Variants in THEMIS observed in about 807,000 individuals in gnomAD.
The protein encoded by THEMIS is thymocyte selection associated, also known as protein THEMIS.
Under a neutral mutation model 52.6 loss-of-function variants are expected in THEMIS, and 37 were observed. The observed-to-expected ratio is 0.70, with a 90% CI of 0.54 to 0.93. THEMIS has a LOEUF of 0.93. THEMIS is among the 40% of genes least tolerant of loss of function. THEMIS has a pLI of 0.00. For missense variants in THEMIS, 808 were observed against 763.1 expected (o/e 1.06, Z -0.69); for synonymous variants, 292 against 272.7 (o/e 1.07, Z -0.70).
intron 2 of THEMIS, among the ~76,000 whole-genome samples, chr6:127,849,661 T>C (rs1488559136): frequency 6.6e-6 from 1 of 151,902 alleles, no homozygotes; most frequent in Non-Finnish European, 1.5e-5. Context: ...TAATATTCAA[T>C]AAATGGTGCT....
At chr6:127,814,954 C>T (rs899264354) in intron 3 of THEMIS, among the ~76,000 whole-genome samples, 11 of 152,012 alleles carry the variant, frequency 7.2e-5, no homozygotes, top group East Asian at 1.9e-4. Flanking sequence ...CCCAGGAGTT[C>T]GAGACTAGCC....
intron 2 of THEMIS, among the ~76,000 whole-genome samples, chr6:127,850,592 G>A (rs115032017): frequency 0.018 from 2,779 of 151,914 alleles, 104 homozygotes; most frequent in African/African-American, 0.064. Context: ...GCAGCAACTT[G>A]GATGGAGTTG....
intron 1 of THEMIS, among the ~76,000 whole-genome samples, chr6:127,914,668 G>C (rs1330191810): frequency 6.6e-6 from 1 of 152,058 alleles, no homozygotes; most frequent in East Asian, 1.9e-4. Context: ...ATAATCTTAA[G>C]GGACTACCAT....
chr6:127,760,045 T>A (rs1459562519), intron 4 of THEMIS, among the ~76,000 whole-genome samples: 13 of 151,872 alleles, frequency 8.6e-5, no homozygotes, highest in Non-Finnish European at 1.5e-4. Context: ...TCATTTTGAG[T>A]CAATATTGAT....
At chr6:127,862,595 T>C (rs544940254) in intron 1 of THEMIS, among the ~76,000 whole-genome samples, 13 of 151,872 alleles carry the variant, frequency 8.6e-5, no homozygotes, top group Admixed American at 8.5e-4. Context: ...AATTTTTGTA[T>C]TTTTAGTAGA....
intron 1 of THEMIS, among the ~76,000 whole-genome samples, chr6:127,858,107 G>GT (rs1282463365): frequency 6.6e-6 from 1 of 151,924 alleles, no homozygotes; most frequent in Non-Finnish European, 1.5e-5. Context: ...TCTTTTAAAG[G>GT]TTCAATTGGA....
rs140593765 is a variant in THEMIS, at chr6:127,908,720, T to G, written c.-149-7639A>C. ...GTGATGTAACTCTAACATTTTCCTC[T>G]GACTTTTATATAGCATTTGTGAAAA... On this transcript the variant is annotated intron_variant, in intron 1 of 6. Transcript: ENST00000368250. Among the ~76,000 whole-genome samples the G allele has an allele frequency of 7.2e-4, 110 of 152,278 alleles. 1 individual carries two copies. The highest frequency in any genetic ancestry group is 2.5e-3 in the African/African-American group (106 of 41,580).
At chr6:127,804,827 CT>C (rs1187681600) in intron 4 of THEMIS, among the ~76,000 whole-genome samples, 1 of 152,020 alleles carries the variant, frequency 6.6e-6, no homozygotes, top group Non-Finnish European at 1.5e-5. Context: ...TTAATTACAA[CT>C]TTTAAAAGCA....
intron 1 of THEMIS, among the ~76,000 whole-genome samples, chr6:127,908,326 A>G (rs1781328004): frequency 6.6e-6 from 1 of 152,150 alleles, no homozygotes; most frequent in Non-Finnish European, 1.5e-5. Flanking sequence ...AATCCAATGT[A>G]TACAGTTCAG....
At chr6:127,814,528 A>C (rs2114611710) in intron 3 of THEMIS, among the ~76,000 whole-genome samples, 1 of 152,320 alleles carries the variant, frequency 6.6e-6, no homozygotes, top group South Asian at 2.1e-4. Context: ...ATATGCGAAA[A>C]TAAATACCAA....
At position 127,800,028 on chromosome 6, in the gene THEMIS, ATGT is replaced by A. The variant is rs1355978282; in HGVS notation, c.1758+12852_1758+12854del. Among the ~76,000 whole-genome samples the A allele has an allele frequency of 2.0e-5, 3 of 152,176 alleles. No individual in the cohort carries two copies. In the East Asian group the frequency reaches 5.8e-4, roughly 29 times the overall value. ...TCTTCATAGTACTGAGTCCCTTAAAATGTTGTTCATTATTTATACCTGAAAAGC... is the reference window on the plus strand; with the variant it reads ...TCTTCATAGTACTGAGTCCCTTAAAATGTTCATTATTTATACCTGAAAAGC... On this transcript the variant is annotated intron_variant, in intron 4 of 5. Coordinates refer to ENST00000368248, the MANE Select transcript of THEMIS (RefSeq NM_001010923.3).
intron 1 of THEMIS, among the ~76,000 whole-genome samples, chr6:127,911,446 C>A (rs1398706867): frequency 6.7e-6 from 1 of 150,344 alleles, no homozygotes; most frequent in East Asian, 1.9e-4. Context: ...TATTTTATAC[C>A]TATCCATGGA....
intron 4 of THEMIS, among the ~76,000 whole-genome samples, chr6:127,755,230 C>T (rs186172739): frequency 9.2e-5 from 14 of 152,254 alleles, no homozygotes; most frequent in African/African-American, 2.9e-4. Context: ...TTGGTGGCTA[C>T]AGCCCATGCT....
upstream of THEMIS, among the ~76,000 whole-genome samples, chr6:127,902,242 T>C: frequency 6.6e-6 from 1 of 150,858 alleles, no homozygotes; most frequent in East Asian, 1.9e-4. Flanking sequence ...GGAGGATCAC[T>C]TGAGCCCTGG....
chr6:127,846,787 A>G (rs270006), intron 2 of THEMIS, among the ~76,000 whole-genome samples: 86,604 of 151,526 alleles, frequency 0.57, 25,880 homozygotes, highest in East Asian at 0.83. Flanking sequence ...TAAACATTCT[A>G]TGTAGCCAGT....
At chr6:127,729,142 C>A (rs930122130) in intron 4 of THEMIS, among the ~76,000 whole-genome samples, 1 of 1,278 alleles carries the variant, frequency 7.8e-4, no homozygotes, top group African/African-American at 3.2e-3. Context: ...CCAATTTATT[C>A]TCTCTCTCTC....
intron 2 of THEMIS, among the ~76,000 whole-genome samples, chr6:127,845,401 A>T (rs1018876241): frequency 1.3e-5 from 2 of 151,984 alleles, no homozygotes; most frequent in African/African-American, 2.4e-5. Context: ...CATTTATTGA[A>T]GAAAAATGGC....
chr6:127,889,722 T>C (rs1213812217), intron 1 of THEMIS, among the ~76,000 whole-genome samples: 1 of 151,590 alleles, frequency 6.6e-6, no homozygotes, highest in Non-Finnish European at 1.5e-5. Context: ...ATGACATGTA[T>C]GGTAAGTCAC....
intron 2 of THEMIS, among the ~76,000 whole-genome samples, chr6:127,853,890 A>G (rs1039454601): frequency 7.3e-5 from 11 of 151,722 alleles, no homozygotes; most frequent in Non-Finnish European, 1.3e-4. Context: ...CTGGGATTCA[A>G]GTACAATGGC....
Sources: allele counts gnomAD v4.1 joint callset (sites outside exome capture counted in the v4.1 genomes callset), GRCh38; gene constraint gnomAD v4.1.1; transcripts MANE v1.5; gene names NCBI Gene and HGNC (gene_info 2026-07-23, HGNC 2026-07-21).